Variants in NDC80 observed in about 807,000 individuals in gnomAD.
The protein encoded by NDC80 is NDC80 kinetochore complex component, also known as kinetochore protein NDC80 homolog.
Under a neutral mutation model 89.3 loss-of-function variants are expected in NDC80, and 69 were observed. That is an observed-to-expected ratio of 0.77 (90% CI 0.64 to 0.94). The LOEUF (loss-of-function observed/expected upper bound fraction) is 0.94, where lower values mean the gene tolerates loss of function less well. Among genes scored for constraint, NDC80 ranks in the 40% least tolerant of loss-of-function variants. NDC80 has a pLI of 0.00. For missense variants in NDC80, 593 were observed against 739.6 expected, an observed-to-expected ratio of 0.80 and a Z score of 2.30; for synonymous variants, 243 against 255.6, an observed-to-expected ratio of 0.95 and a Z score of 0.47.
chr18:2,595,811 TAA>T (rs1349111156), intron 11 of NDC80, among the ~76,000 whole-genome samples, 190 bp downstream of exon 11: 2 of 152,186 alleles, frequency 1.3e-5, no homozygotes, highest in South Asian at 2.1e-4. Flanking sequence ...AAATTTAAGA[TAA>T]GTTATATTTC....
intron 10 of NDC80, chr18:2,594,429 G>T: frequency 6.2e-6 from 1 of 160,498 alleles, no homozygotes. Flanking sequence ...AAAATCAACA[G>T]TTTTCCTGCT....
rs79720689 is a variant in NDC80, at chr18:2,576,498, A to G, written c.180-1248A>G. On this transcript the variant is annotated intron_variant, in intron 3 of 16. Transcript: ENST00000261597. ...CAGCCTCTGGAAAACTCCACTGTAC[A>G]CTTGAGAGATTGAAAATGAAAAGAG... 0.01 allele frequency among the ~76,000 whole-genome samples: 1,569 copies of G among 152,340 alleles called. 71 individuals carry two copies. The East Asian group carries it at 0.13, about 13-fold the overall frequency.
At chr18:2,593,885 C>A in intron 10 of NDC80, 2 of 243,260 alleles carry the variant, frequency 8.2e-6, no homozygotes, top group South Asian at 5.3e-5. Flanking sequence ...TTGAAGCTAG[C>A]TTATTTTATT....
At chr18:2,575,170 A>G (rs2072540014) in intron 3 of NDC80, 104 bp downstream of exon 3, 3 of 830,452 alleles carry the variant, frequency 3.6e-6, no homozygotes, top group South Asian at 1.7e-5. Flanking sequence ...TTCGAGAGAA[A>G]AGTTATAATC....
chr18:2,597,799 T>C (rs559935362), intron 11 of NDC80, among the ~76,000 whole-genome samples: 1 of 150,560 alleles, frequency 6.6e-6, no homozygotes, highest in Admixed American at 6.6e-5. Context: ...AACTTAGAGG[T>C]AGAGCGAATG....
chr18:2,611,346 G>C (rs911100985), intron 16 of NDC80, among the ~76,000 whole-genome samples: 1 of 152,134 alleles, frequency 6.6e-6, no homozygotes, highest in Non-Finnish European at 1.5e-5. Flanking sequence ...ACCGCACCCA[G>C]CCCACTTGTG....
intron 15 of NDC80, 99 bp from the exon 16 acceptor site, chr18:2,610,660 G>T: frequency 1.6e-6 from 1 of 627,510 alleles, no homozygotes; most frequent in East Asian, 2.8e-5. Context: ...ATCAATCACA[G>T]TTTGGTTTTT....
At chr18:2,605,768 G>A (rs1227858010) in intron 13 of NDC80, among the ~76,000 whole-genome samples, 1 of 151,818 alleles carries the variant, frequency 6.6e-6, no homozygotes, top group African/African-American at 2.4e-5. Context: ...TGTGTTTCCT[G>A]CAGGAAACAG....
intron 6 of NDC80, among the ~76,000 whole-genome samples, chr18:2,580,730 G>GTTTTTTTTTTT (rs1567997102): frequency 2.1e-5 from 1 of 48,110 alleles, no homozygotes; most frequent in Non-Finnish European, 5.1e-5. Flanking sequence ...CTCACCATCA[G>GTTTTTTTTTTT]ATTTTTTTTT....
chr18:2,591,811 G>T (rs370643181), intron 10 of NDC80, among the ~76,000 whole-genome samples: 5 of 148,314 alleles, frequency 3.4e-5, no homozygotes, highest in East Asian at 2.0e-4. Flanking sequence ...CTGAAGTGCA[G>T]TGGCACCATC....
intron 16 of NDC80, among the ~76,000 whole-genome samples, chr18:2,614,041 G>A (rs1023282358): frequency 1.3e-5 from 2 of 152,138 alleles, no homozygotes; most frequent in Non-Finnish European, 2.9e-5. Flanking sequence ...TAAGAAATTG[G>A]CAAAAATTTA....
chr18:2,608,540 G>A (rs13313665), intron 14 of NDC80, among the ~76,000 whole-genome samples, 160 bp from the exon 15 acceptor site: 1 of 152,142 alleles, frequency 6.6e-6, no homozygotes, highest in Non-Finnish European at 1.5e-5. Flanking sequence ...TCCCAAAGGA[G>A]CACTTTAAAG....
intron 13 of NDC80, 73 bp from the exon 14 acceptor site, chr18:2,606,341 TA>T: frequency 1.0e-6 from 1 of 979,668 alleles, no homozygotes; most frequent in Non-Finnish European, 1.5e-6. Context: ...ATTGATAATA[TA>T]AAAACTCTAT....
In NDC80 at chr18:2,577,651, A is replaced by T. The variant is rs1346514183; in HGVS notation, c.180-95A>T. The T allele has an allele frequency of 3.4e-5, 44 of 1,291,576 alleles. 1 individual carries two copies. The South Asian group carries it at 5.8e-4, about 17-fold the overall frequency. 80.0% of individuals were successfully genotyped at this position (1,291,576 alleles called of 1,614,324 possible). A position where few individuals can be genotyped will look rare whatever the true frequency, so the allele number is the denominator to read the frequency against. On this transcript the variant is annotated intron_variant, in intron 3 of 16. Coordinates refer to ENST00000261597, the MANE Select transcript of NDC80 (RefSeq NM_006101.3). ...TTTAGTTATAAGAACGTAATGTTTG[A>T]TGTTGATGTTAAAATGCAAAACTGC...
At chr18:2,589,403 T>C in intron 9 of NDC80, 93 bp downstream of exon 9, 2 of 852,858 alleles carry the variant, frequency 2.3e-6, no homozygotes, top group Non-Finnish European at 1.9e-6. Context: ...TTTTAAAAAA[T>C]AGATTAACAA....
At chr18:2,596,975 A>G (rs1027920103) in intron 11 of NDC80, among the ~76,000 whole-genome samples, 2 of 151,992 alleles carry the variant, frequency 1.3e-5, no homozygotes, top group Admixed American at 6.6e-5. Context: ...GAATTGAACA[A>G]TGAGAACACA....
intron 7 of NDC80, among the ~76,000 whole-genome samples, chr18:2,585,484 A>G (rs557203694): frequency 2.6e-5 from 4 of 152,314 alleles, no homozygotes; most frequent in Admixed American, 2.6e-4. Context: ...TAGCTCTTGT[A>G]ATTTATTGAA....
chr18:2,583,714 A>G (rs1230956796), intron 6 of NDC80, among the ~76,000 whole-genome samples: 1 of 150,978 alleles, frequency 6.6e-6, no homozygotes, highest in African/African-American at 2.4e-5. Context: ...AAAAAAAAAA[A>G]TCTGTCTGCC....
chr18:2,585,604 C>T (rs769415845), intron 7 of NDC80, among the ~76,000 whole-genome samples: 6 of 152,028 alleles, frequency 3.9e-5, no homozygotes, highest in Non-Finnish European at 7.4e-5. Flanking sequence ...GTCAAACCAT[C>T]GTTAAGTCAG....
Sources: allele counts gnomAD v4.1 joint callset (sites outside exome capture counted in the v4.1 genomes callset), GRCh38; gene constraint gnomAD v4.1.1; transcripts MANE v1.5; gene names NCBI Gene and HGNC (gene_info 2026-07-23, HGNC 2026-07-21).